PRUNE1: variants seen among roughly 807,000 people sequenced by gnomAD.
PRUNE1 encodes prune exopolyphosphatase 1.
In PRUNE1, 25 loss-of-function variants were observed where a neutral mutation model predicts 42.5. That is an observed-to-expected ratio of 0.59 (90% CI 0.43 to 0.82). The LOEUF is 0.82. PRUNE1 is among the 40% of genes least tolerant of loss of function. The probability of loss-of-function intolerance (pLI) is 0.00; values close to 1 mark genes in which losing one functional copy is unlikely to be tolerated. For missense variants in PRUNE1, 443 were observed against 539.3 expected (o/e 0.82, Z 1.77); for synonymous variants, 203 against 217.1 (o/e 0.93, Z 0.57).
chr1:151,016,093 C>T (rs746431760), intron 1 of PRUNE1, among the ~76,000 whole-genome samples: 11 of 152,096 alleles, frequency 7.2e-5, no homozygotes, highest in Admixed American at 1.3e-4. Flanking sequence ...AAGAATTAGC[C>T]GGGCATCATG....
chr1:151,011,246 C>T (rs1673754412), intron 1 of PRUNE1, among the ~76,000 whole-genome samples: 1 of 152,206 alleles, frequency 6.6e-6, no homozygotes, highest in South Asian at 2.1e-4. Flanking sequence ...CCAAGTCTCC[C>T]GTTGCTACCA....
rs367723609 is a variant in PRUNE1 at position 151,015,038 on chromosome 1, A to G, written c.40-2774A>G. 4.6e-5 allele frequency among the ~76,000 whole-genome samples: 7 copies of G among 152,284 alleles called. No individual in the cohort carries two copies. In the East Asian group the frequency reaches 9.6e-4, roughly 21 times the overall value. On this transcript the variant is annotated intron_variant, in intron 1 of 7. Transcript: ENST00000271620. ...AAAACCCCATCTCTACAAAAAATGC[A>G]AAAATTTGGCTGGGCGTGGTGGCTC...
chr1:151,023,899 A>G (rs1025443024), intron 3 of PRUNE1, among the ~76,000 whole-genome samples: 19 of 148,816 alleles, frequency 1.3e-4, no homozygotes, highest in African/African-American at 3.5e-4. Flanking sequence ...AAAGAAAAGA[A>G]TTGCTGGGCG....
rs904615061 is a variant in PRUNE1 at position 151,034,612 on chromosome 1, C to T, written c.*378C>T. On this transcript the variant is annotated 3_prime_UTR_variant, in exon 8 of 8. Coordinates refer to ENST00000271620, the MANE Select transcript of PRUNE1 (RefSeq NM_021222.3). The stretch of plus-strand genomic sequence containing the variant: ...ATCTGTCATGGAACTGAACATTCAT[C>T]GATGGTCTCCATGTATTCATTTATT... 3 of 194,480 alleles carry T rather than the reference C, an allele frequency of 1.5e-5. No individual in the cohort carries two copies. The highest frequency in any genetic ancestry group is 1.1e-4 in the East Asian group (1 of 8,818). 12.0% of individuals were successfully genotyped at this position (194,480 alleles called of 1,614,324 possible).
chr1:151,018,293 T>C (rs1674221549), intron 2 of PRUNE1, 174 bp from the exon 3 acceptor site: 2 of 761,492 alleles, frequency 2.6e-6, no homozygotes, highest in Non-Finnish European at 4.8e-6. Context: ...TTCATGTTAT[T>C]ACTAAGAAGG....
At chr1:151,018,427 A>G (rs185214397) in intron 2 of PRUNE1, 40 bp from the exon 3 acceptor site, 132 of 1,535,850 alleles carry the variant, frequency 8.6e-5, no homozygotes, top group Admixed American at 3.2e-4. Context: ...TCCTGTCATT[A>G]TAAAACCTTG....
intron 1 of PRUNE1, among the ~76,000 whole-genome samples, chr1:151,017,491 A>T (rs1373200852): frequency 6.6e-6 from 1 of 152,012 alleles, no homozygotes; most frequent in Non-Finnish European, 1.5e-5. Context: ...AGTGGCTCAT[A>T]CCTGTTATCC....
Position 151,022,592 on chromosome 1 carries a change from T to G in PRUNE1, c.336-2019T>G, listed in dbSNP as rs1571793473. On this transcript the variant is annotated intron_variant, in intron 3 of 7. Coordinates refer to ENST00000271620, the MANE Select transcript of PRUNE1 (RefSeq NM_021222.3). ...CCCGCCACCACACCTGGCTAATTTT[T>G]GTATTTTTAGTAGAGACAGGGTTTC... is the stretch of plus-strand genomic sequence containing the variant. 2.0e-5 allele frequency among the ~76,000 whole-genome samples: 3 copies of G among 151,562 alleles called. No homozygotes were observed. In the East Asian group the frequency reaches 5.8e-4, roughly 29 times the overall value.
In PRUNE1 at chr1:151,018,676, A is replaced by G. The variant is rs367588402; in HGVS notation, c.335+7A>G. 1.9e-5 allele frequency: 31 copies of G among 1,611,490 alleles called. No homozygotes were observed. The African/African-American group carries it at 3.5e-4, about 18-fold the overall frequency. On this transcript the variant is annotated splice_region_variant and intron_variant, in intron 3 of 7. Coordinates refer to ENST00000271620, the MANE Select transcript of PRUNE1 (RefSeq NM_021222.3). ...ACCATCATATCTTATCCAAGTAAGC[A>G]CAAGGAAATTAAATTGCTACCTATC... is the stretch of plus-strand genomic sequence containing the variant.
chr1:151,011,415 A>T (rs1221137339), intron 1 of PRUNE1, among the ~76,000 whole-genome samples: 2 of 152,118 alleles, frequency 1.3e-5, no homozygotes, highest in East Asian at 3.9e-4. Context: ...GTGGGGCTGC[A>T]TTGCAGTTTA....
In PRUNE1 at chr1:151,017,503, A is replaced by C. The variant is rs188482253; in HGVS notation, c.40-309A>C. The stretch of plus-strand genomic sequence containing the variant: ...CACAGTGGCTCATACCTGTTATCCC[A>C]GCACTTTGGATCTCGAGCCCAGGAG... On this transcript the variant is annotated intron_variant, in intron 1 of 7. Coordinates refer to ENST00000271620, the MANE Select transcript of PRUNE1 (RefSeq NM_021222.3). Among the ~76,000 whole-genome samples, 425 of 152,226 alleles carry C rather than the reference A, an allele frequency of 2.8e-3. 12 individuals carry two copies. The highest frequency in any genetic ancestry group is 4.7e-4 in the Non-Finnish European group (32 of 68,010).
Position 151,024,503 on chromosome 1 carries a change from A to G in PRUNE1, c.336-108A>G, listed in dbSNP as rs1418462351. The G allele has an allele frequency of 4.5e-6, 5 of 1,113,210 alleles. No homozygotes were observed. The East Asian group carries it at 1.2e-4, about 27-fold the overall frequency. The allele number at this position is 1,113,210 out of a possible 1,614,324, so 69.0% of individuals were successfully genotyped here. On this transcript the variant is annotated intron_variant, in intron 3 of 7. Transcript: ENST00000271620. The stretch of plus-strand genomic sequence containing the variant: ...AGAGTGAAACTCCGTCTCAAAAAAA[A>G]AAAGACATCTGCATTTTCCTTGATG...
chr1:151,011,369 T>TC (rs146494735), intron 1 of PRUNE1, among the ~76,000 whole-genome samples: 2,242 of 152,296 alleles, frequency 0.015, 60 homozygotes, highest in African/African-American at 0.051. Context: ...TGGTGACTCA[T>TC]CTTTCACTTC....
chr1:151,023,821 A>G (rs1247240872), intron 3 of PRUNE1, among the ~76,000 whole-genome samples: 1 of 152,060 alleles, frequency 6.6e-6, no homozygotes, highest in Non-Finnish European at 1.5e-5. Flanking sequence ...TGGGGGTAAG[A>G]TATTTGCAGC....
At chr1:151,029,365 GTTTTTTTTTTT>G (rs34073279) in intron 7 of PRUNE1, among the ~76,000 whole-genome samples, 5,843 of 86,050 alleles carry the variant, frequency 0.068, 181 homozygotes, top group Non-Finnish European at 0.098. Context: ...AAGCTGGAAA[GTTTTTTTTTTT>G]TTTTTTTTTT....
chr1:151,022,013 G>A (rs1558080764), intron 3 of PRUNE1, among the ~76,000 whole-genome samples: 1 of 151,144 alleles, frequency 6.6e-6, no homozygotes, highest in Non-Finnish European at 1.5e-5. Flanking sequence ...CTGTCTCCTA[G>A]GCTAGAGTAC....
rs587628576 is a variant in PRUNE1, at chr1:151,028,222, C to G, written c.775-564C>G. ...TCTCCTATGCTCAAAAAACCTCTAG[C>G]AGTTATGTATGTATGTTTGTTTGTT... is the stretch of plus-strand genomic sequence containing the variant. On this transcript the variant is annotated intron_variant, in intron 6 of 7. Coordinates refer to ENST00000271620, the MANE Select transcript of PRUNE1 (RefSeq NM_021222.3). Among the ~76,000 whole-genome samples the G allele has an allele frequency of 3.9e-5, 6 of 152,146 alleles. No individual in the cohort carries two copies. The South Asian group carries it at 1.2e-3, about 32-fold the overall frequency.
At position 151,017,814 on chromosome 1, in the gene PRUNE1, G is replaced by T; in HGVS notation, c.42G>T (p.Glu14Asp). Residue 14 changes from glutamate to aspartate, a missense_variant and splice_region_variant, in exon 2 of 8, where the codon GAG (glutamate) becomes GAT (aspartate). Physicochemically the swap from Glu to Asp is conservative, Grantham distance 45 (BLOSUM62 2). Transcript: ENST00000271620. ...YLQGCRAALQESRPLHVVLGN... is the reference protein window; with the variant it reads ...YLQGCRAALQDSRPLHVVLGN... ...TTCCCATTTTCCTTTCTCTCCAGGA[G>T]TCCCGACCTCTACATGTTGTGCTGG... 2 of 1,578,680 alleles carry T rather than the reference G, an allele frequency of 1.3e-6. No individual in the cohort carries two copies. The highest frequency in any genetic ancestry group is 1.7e-6 in the Non-Finnish European group (2 of 1,148,556).
intron 7 of PRUNE1, among the ~76,000 whole-genome samples, chr1:151,031,835 G>A (rs944749649): frequency 6.6e-6 from 1 of 151,930 alleles, no homozygotes; most frequent in Non-Finnish European, 1.5e-5. Flanking sequence ...GGGGTTCCTC[G>A]GTTCTGGTTT....
Sources: gnomAD v4.1 joint callset for allele counts (sites outside exome capture counted in the v4.1 genomes callset) on GRCh38, gnomAD v4.1.1 for gene constraint, MANE v1.5 for transcripts, NCBI Gene and HGNC (gene_info 2026-07-23, HGNC 2026-07-21) for gene names.